The following PIRT variants were observed in gnomAD, a reference collection of about 807,000 sequenced individuals.
PIRT encodes phosphoinositide interacting regulator of transient receptor potential channels.
PIRT carries 6 observed loss-of-function variants against 7.9 expected under a neutral mutation model. The ratio of observed to expected loss-of-function variants is 0.76; its 90% CI spans 0.42 to 1.51. PIRT has a LOEUF of 1.51. Among genes scored for constraint, PIRT ranks in the 40% most tolerant of loss-of-function variants. The pLI is 0.01. For missense variants in PIRT, 170 were observed against 172.9 expected (o/e 0.98, Z 0.09); for synonymous variants, 78 against 71.8 (o/e 1.09, Z -0.44).
At position 10,830,658 on chromosome 17, in the gene PIRT, A is replaced by G. The variant is rs189955260; in HGVS notation, c.-138-4875T>C. Among the ~76,000 whole-genome samples the G allele has an allele frequency of 2.8e-3, 428 of 152,338 alleles. 1 individual carries two copies. Among genetic ancestry groups the G allele is most frequent in the African/African-American group, 9.5e-3 (394 of 41,578 alleles). On this transcript the variant is annotated intron_variant, in intron 1 of 1. Transcript: ENST00000580256. ...ATGAAGGAGTTTTCTTAGCTATTTCAGATAAGTCTATAGGTAATGAATCAG... is the reference window on the plus strand; with the variant it reads ...ATGAAGGAGTTTTCTTAGCTATTTCGGATAAGTCTATAGGTAATGAATCAG...
At chr17:10,837,730 C>T (rs1905625425) in intron 1 of PIRT, among the ~76,000 whole-genome samples, 1 of 152,204 alleles carries the variant, frequency 6.6e-6, no homozygotes, top group Non-Finnish European at 1.5e-5. Context: ...CCCCCTTCCT[C>T]TGGCCACCAC....
At position 10,832,743 on chromosome 17, in the gene PIRT, T is replaced by C. The variant is rs138989997; in HGVS notation, c.-139+5202A>G. 1.2e-3 allele frequency among the ~76,000 whole-genome samples: 183 copies of C among 152,354 alleles called. 1 individual carries two copies. Among genetic ancestry groups the C allele is most frequent in the African/African-American group, 3.9e-3 (164 of 41,582 alleles). On this transcript the variant is annotated intron_variant, in intron 1 of 1. Coordinates refer to ENST00000580256, the MANE Select transcript of PIRT (RefSeq NM_001101387.2). The stretch of plus-strand genomic sequence containing the variant: ...GGACTTGGATACGTCTCAGCCTCAG[T>C]GTGAACCATGATTCCTTTCCCTTTT...
At chr17:10,832,198 C>A (rs1429085978) in intron 1 of PIRT, among the ~76,000 whole-genome samples, 1 of 147,788 alleles carries the variant, frequency 6.8e-6, no homozygotes, top group African/African-American at 2.5e-5. Flanking sequence ...CGTTCTGATT[C>A]TTTTTTTTTT....
At chr17:10,826,283 G>T (rs926045873) in intron 1 of PIRT, among the ~76,000 whole-genome samples, 2 of 152,130 alleles carry the variant, frequency 1.3e-5, no homozygotes, top group African/African-American at 4.8e-5. Flanking sequence ...TTGTTGAATG[G>T]CATTTTATTT....
Position 10,825,086 on chromosome 17 carries a change from G to T in PIRT, c.*146C>A. On this transcript the variant is annotated 3_prime_UTR_variant, in exon 2 of 2. Transcript: ENST00000580256. ...CATTCCCGGCTGCATGGAGGGTGGAGCCCCAAGCTCTATCTTCCCCACAGG... is the reference window on the plus strand; with the variant it reads ...CATTCCCGGCTGCATGGAGGGTGGATCCCCAAGCTCTATCTTCCCCACAGG... 9.4e-7 allele frequency: 1 copy of T among 1,059,054 alleles called. No individual in the cohort carries two copies. The allele number at this position is 1,059,054 out of a possible 1,614,324, so 65.6% of individuals were successfully genotyped here.
chr17:10,837,102 A>G (rs983672966), intron 1 of PIRT, among the ~76,000 whole-genome samples: 8 of 152,156 alleles, frequency 5.3e-5, no homozygotes, highest in Non-Finnish European at 1.2e-4. Flanking sequence ...ATGGCCACCC[A>G]TCTGTCACCT....
In PIRT at chr17:10,824,581, T is replaced by G. The variant is rs184310329; in HGVS notation, c.*651A>C. ...CCCACTGCCTCTGATGTAAATATTA[T>G]ATAATTAGGAACTAAACTTCTTCAG... On this transcript the variant is annotated 3_prime_UTR_variant, in exon 2 of 2. Coordinates refer to ENST00000580256, the MANE Select transcript of PIRT (RefSeq NM_001101387.2). 1.3e-5 allele frequency: 2 copies of G among 152,424 alleles called. No individual in the cohort carries two copies. The highest frequency in any genetic ancestry group is 4.8e-5 in the African/African-American group (2 of 41,568). 9.4% of individuals were successfully genotyped at this position (152,424 alleles called of 1,614,324 possible).
In PIRT at chr17:10,825,068, G is replaced by T; in HGVS notation, c.*164C>A. The stretch of plus-strand genomic sequence containing the variant: ...AGTGGATACATCTGGCAACATTCCC[G>T]GCTGCATGGAGGGTGGAGCCCCAAG... On this transcript the variant is annotated 3_prime_UTR_variant, in exon 2 of 2. Transcript: ENST00000580256. 1.1e-6 allele frequency: 1 copy of T among 878,786 alleles called. No homozygotes were observed. The highest frequency in any genetic ancestry group is 1.7e-6 in the Non-Finnish European group (1 of 585,648). The allele number at this position is 878,786 out of a possible 1,614,324, so 54.4% of individuals were successfully genotyped here. A position where few individuals can be genotyped will look rare whatever the true frequency, so the allele number is the denominator to read the frequency against.
chr17:10,833,205 A>G (rs1323081238), intron 1 of PIRT, among the ~76,000 whole-genome samples: 1 of 152,242 alleles, frequency 6.6e-6, no homozygotes, highest in Non-Finnish European at 1.5e-5. Flanking sequence ...ACTTGACGTC[A>G]TCAACAAAAA....
At chr17:10,828,053 C>A (rs1057311829) in intron 1 of PIRT, among the ~76,000 whole-genome samples, 1 of 152,182 alleles carries the variant, frequency 6.6e-6, no homozygotes, top group African/African-American at 2.4e-5. Flanking sequence ...CTCTCTCTCC[C>A]TTCTTTCCCT....
chr17:10,832,924 C>A (rs2151535555), intron 1 of PIRT, among the ~76,000 whole-genome samples: 1 of 152,238 alleles, frequency 6.6e-6, no homozygotes, highest in South Asian at 2.1e-4. Flanking sequence ...CCTGACAGGC[C>A]CAGAACCCCG....
Position 10,825,564 on chromosome 17 carries a change from C to T in PIRT, c.82G>A (p.Ala28Thr), listed in dbSNP as rs370826067. 3.6e-5 allele frequency: 58 copies of T among 1,594,930 alleles called. No individual in the cohort carries two copies. In the African/African-American group the frequency reaches 3.8e-4, roughly 10 times the overall value. The stretch of plus-strand genomic sequence containing the variant: ...CTGGAGCTGATGCACAGGGAGCTGG[C>T]GGTCTGGCTGGGCAGCAGGTCCTTG... ...EAKDLLPSQTASSLCISSRSE... is the reference protein window; with the variant it reads ...EAKDLLPSQTTSSLCISSRSE... Residue 28 changes from alanine to threonine, a missense_variant, in exon 2 of 2, where the codon GCC becomes ACC. Ala to Thr is a moderately conservative substitution (Grantham distance 58). Transcript: ENST00000580256.
intron 1 of PIRT, among the ~76,000 whole-genome samples, chr17:10,836,595 G>A (rs552671552): frequency 6.6e-6 from 1 of 152,222 alleles, no homozygotes; most frequent in East Asian, 1.9e-4. Flanking sequence ...AAGAGATCCC[G>A]CTGTGCTGCT....
intron 1 of PIRT, among the ~76,000 whole-genome samples, chr17:10,834,852 A>G (rs779256734): frequency 4.1e-4 from 62 of 150,602 alleles, no homozygotes; most frequent in Non-Finnish European, 8.1e-4. Flanking sequence ...GGCCTCCCAA[A>G]GTGCTGGGAT....
intron 1 of PIRT, 94 bp from the exon 2 acceptor site, chr17:10,825,877 T>G (rs191267591): frequency 7.6e-4 from 294 of 384,956 alleles, no homozygotes; most frequent in Admixed American, 2.0e-3. Flanking sequence ...ATAAATATTA[T>G]AACATTTTAT....
At position 10,823,974 on chromosome 17, in the gene PIRT, CCTG is replaced by C. The variant is rs1220365537; in HGVS notation, c.*1255_*1257del. ...CTACTCCTGCACACGCATAGCAGCT[CCTG>C]CTGCTTCCAATGCCATTCTTTCCCC... On this transcript the variant is annotated 3_prime_UTR_variant, in exon 2 of 2. Coordinates refer to ENST00000580256, the MANE Select transcript of PIRT (RefSeq NM_001101387.2). The C allele has an allele frequency of 1.3e-5, 2 of 152,298 alleles. No homozygotes were observed. Among genetic ancestry groups the C allele is most frequent in the Non-Finnish European group, 2.9e-5 (2 of 68,062 alleles). The allele number at this position is 152,298 out of a possible 1,614,324, so 9.4% of individuals were successfully genotyped here. A position where few individuals can be genotyped will look rare whatever the true frequency, so the allele number is the denominator to read the frequency against.
At position 10,835,719 on chromosome 17, in the gene PIRT, G is replaced by C. The variant is rs529131791; in HGVS notation, c.-139+2226C>G. On this transcript the variant is annotated intron_variant, in intron 1 of 1. Transcript: ENST00000580256. ...AGCAAGAGGCCAGCAAGGGGCCTGT[G>C]GCACAGTGGCCTTAAAGTCACCACT... 1.8e-4 allele frequency among the ~76,000 whole-genome samples: 27 copies of C among 152,350 alleles called. 3 individuals are homozygous for C. Among genetic ancestry groups the C allele is most frequent in the African/African-American group, 6.3e-4 (26 of 41,586 alleles).
At chr17:10,830,905 C>T (rs144666863) in intron 1 of PIRT, among the ~76,000 whole-genome samples, 54 of 152,132 alleles carry the variant, frequency 3.5e-4, no homozygotes, top group Non-Finnish European at 7.2e-4. Flanking sequence ...CATTCCTGGT[C>T]TCTACCCACT....
intron 1 of PIRT, among the ~76,000 whole-genome samples, chr17:10,831,296 G>C (rs1330952720): frequency 1.3e-5 from 2 of 152,278 alleles, no homozygotes; most frequent in Non-Finnish European, 2.9e-5. Context: ...GAGTTGAATT[G>C]TGGCCCCCAA....
Sources: allele counts gnomAD v4.1 joint callset (sites outside exome capture counted in the v4.1 genomes callset), GRCh38; gene constraint gnomAD v4.1.1; transcripts MANE v1.5; gene names NCBI Gene and HGNC (gene_info 2026-07-23, HGNC 2026-07-21).